The following THADA variants were observed in gnomAD, a reference collection of about 807,000 sequenced individuals.
THADA encodes THADA armadillo repeat containing.
THADA carries 213 observed loss-of-function variants against 219.8 expected under a neutral mutation model. The ratio of observed to expected loss-of-function variants is 0.97; its 90% confidence interval spans 0.87 to 1.09. The LOEUF is 1.09. Ranked by LOEUF, THADA falls within the 50% of genes least tolerant of loss-of-function variation. The pLI, the probability that THADA is intolerant of heterozygous loss-of-function variation, is 0.00. For missense variants in THADA, 2,956 were observed against 2,311.3 expected (o/e 1.28, Z -5.72); for synonymous variants, 1,018 against 828.9 (o/e 1.23, Z -3.92).
rs1383572096 is a variant in THADA at position 43,505,566 on chromosome 2, A to AAAAAC, written c.3621+51_3621+55dup. The AAAAAC allele has an allele frequency of 1.4e-5, 19 of 1,356,500 alleles. No individual in the cohort carries two copies. In the African/African-American group the frequency reaches 2.6e-4, roughly 19 times the overall value. The allele number at this position is 1,356,500 out of a possible 1,614,324, so 84.0% of individuals were successfully genotyped here. On this transcript the variant is annotated intron_variant, in intron 24 of 37. Coordinates refer to ENST00000405975, the MANE Select transcript of THADA (RefSeq NM_022065.5). ...GGTAACAGCCGTCTTGAAAAAAGTG[A>AAAAAC]AAAACAAAACAAAACAAAAAACAAC...
chr2:43,513,683 C>G (rs936535033), intron 22 of THADA, among the ~76,000 whole-genome samples: 2 of 151,934 alleles, frequency 1.3e-5, no homozygotes, highest in Non-Finnish European at 2.9e-5. Context: ...GAGGAAAGAG[C>G]CTAGAAAGAG....
chr2:43,268,230 T>C (rs926183468), intron 36 of THADA, among the ~76,000 whole-genome samples: 7 of 152,228 alleles, frequency 4.6e-5, no homozygotes, highest in Admixed American at 4.6e-4. Context: ...TAGCTCATCA[T>C]GATGCATCAG....
chr2:43,442,952 T>C (rs1681033424), intron 26 of THADA, among the ~76,000 whole-genome samples: 1 of 152,226 alleles, frequency 6.6e-6, no homozygotes, highest in South Asian at 2.1e-4. Context: ...ATCTTTCAAC[T>C]TTGGGCTTAG....
intron 26 of THADA, among the ~76,000 whole-genome samples, chr2:43,444,388 T>C (rs1681254504): frequency 6.6e-6 from 1 of 152,200 alleles, no homozygotes; most frequent in Non-Finnish European, 1.5e-5. Context: ...AACAACTTAC[T>C]CCCATCTGGG....
intron 22 of THADA, among the ~76,000 whole-genome samples, chr2:43,519,371 A>G (rs568302223): frequency 7.9e-5 from 12 of 152,324 alleles, no homozygotes; most frequent in Admixed American, 5.9e-4. Flanking sequence ...GTGTAGCTAT[A>G]GATAAATCAC....
chr2:43,255,223 T>C (rs1026445319), intron 36 of THADA, among the ~76,000 whole-genome samples: 8 of 152,210 alleles, frequency 5.3e-5, no homozygotes, highest in African/African-American at 7.2e-5. Flanking sequence ...TTAAGGTAGG[T>C]GCGGGTTATT....
chr2:43,480,334 T>G (rs148744669), intron 26 of THADA, among the ~76,000 whole-genome samples: 65 of 152,282 alleles, frequency 4.3e-4, no homozygotes, highest in Middle Eastern at 3.4e-3. Context: ...CCTGTCCTTC[T>G]ACACAACTGA....
chr2:43,282,979 T>A (rs1241420690), intron 35 of THADA, among the ~76,000 whole-genome samples: 2 of 152,210 alleles, frequency 1.3e-5, no homozygotes, highest in Non-Finnish European at 2.9e-5. Context: ...TTCACAAATC[T>A]CATGTTGAAT....
intron 22 of THADA, among the ~76,000 whole-genome samples, chr2:43,514,517 T>C (rs1344533606): frequency 7.3e-6 from 1 of 136,644 alleles, no homozygotes; most frequent in Non-Finnish European, 1.5e-5. Flanking sequence ...TTATATATAA[T>C]ATATAATATA....
At chr2:43,500,883 C>CTG (rs1394564856) in intron 24 of THADA, among the ~76,000 whole-genome samples, 4 of 152,076 alleles carry the variant, frequency 2.6e-5, no homozygotes, top group African/African-American at 4.8e-5. Flanking sequence ...CTGCTGAATA[C>CTG]AAGCACAATT....
At chr2:43,399,566 T>TA (rs149027137) in intron 28 of THADA, among the ~76,000 whole-genome samples, 14 of 151,958 alleles carry the variant, frequency 9.2e-5, no homozygotes, top group African/African-American at 3.4e-4. Context: ...ATGGGGTGTT[T>TA]AAAAAAAATG....
In THADA at chr2:43,295,294, G is replaced by A. The variant is rs560290644; in HGVS notation, c.4439-2081C>T. Among the ~76,000 whole-genome samples, 10 of 152,322 alleles carry A rather than the reference G, an allele frequency of 6.6e-5. No individual in the cohort carries two copies. The South Asian group carries it at 1.9e-3, about 28-fold the overall frequency. ...AAAATCAAATAATTACTAAAAATGT[G>A]GGCAAGCTGGAGGGTGGAGGCCTTT... is the stretch of plus-strand genomic sequence containing the variant. On this transcript the variant is annotated intron_variant, in intron 31 of 37. Coordinates refer to ENST00000405975, the MANE Select transcript of THADA (RefSeq NM_022065.5).
chr2:43,474,653 G>T (rs1047093060), intron 26 of THADA, among the ~76,000 whole-genome samples: 6 of 152,034 alleles, frequency 3.9e-5, no homozygotes, highest in Non-Finnish European at 5.9e-5. Flanking sequence ...GCTTATAGGG[G>T]GCAAAAGAAG....
intron 21 of THADA, among the ~76,000 whole-genome samples, chr2:43,531,854 G>A (rs974856092): frequency 2.0e-5 from 3 of 150,144 alleles, no homozygotes; most frequent in African/African-American, 7.4e-5. Context: ...CCTTTTTTTC[G>A]ACTCATAATT....
chr2:43,515,886 A>G (rs1248588204), intron 22 of THADA, among the ~76,000 whole-genome samples: 2 of 152,140 alleles, frequency 1.3e-5, no homozygotes, highest in Non-Finnish European at 2.9e-5. Context: ...GGTGTCTACT[A>G]GACATGCCAA....
At chr2:43,340,574 T>C (rs1666958232) in intron 30 of THADA, among the ~76,000 whole-genome samples, 1 of 152,174 alleles carries the variant, frequency 6.6e-6, no homozygotes, top group South Asian at 2.1e-4. Context: ...AATGATCAAA[T>C]AAATTAGGGA....
chr2:43,441,140 C>T (rs907437763), intron 26 of THADA, among the ~76,000 whole-genome samples: 1 of 152,164 alleles, frequency 6.6e-6, no homozygotes, highest in African/African-American at 2.4e-5. Context: ...GAAGTATCAA[C>T]TATGCATTTG....
At chr2:43,570,271 G>GA (rs1699145788) in intron 14 of THADA, 117 bp downstream of exon 14, 8 of 1,084,840 alleles carry the variant, frequency 7.4e-6, no homozygotes, top group South Asian at 6.9e-5. Context: ...CAGCTTGAAG[G>GA]AAAAAAACAC....
At chr2:43,428,339 GACTAATGCCTGTA>G (rs1678772649) in intron 27 of THADA, 108 bp from the exon 28 acceptor site, 1 of 1,101,594 alleles carries the variant, frequency 9.1e-7, no homozygotes, top group African/African-American at 1.6e-5. Flanking sequence ...CGGGTGCGGT[GACTAATGCCTGTA>G]ATCCCAGCAC....
Sources: gnomAD v4.1 joint callset for allele counts (sites outside exome capture counted in the v4.1 genomes callset) on GRCh38, gnomAD v4.1.1 for gene constraint, MANE v1.5 for transcripts, NCBI Gene and HGNC (gene_info 2026-07-23, HGNC 2026-07-21) for gene names.